Variants in TENM2 observed in about 807,000 individuals in gnomAD.
TENM2 encodes teneurin transmembrane protein 2, also known as teneurin-2.
Under a neutral mutation model 245.2 loss-of-function variants are expected in TENM2, and 52 were observed. The observed-to-expected ratio is 0.21, with a 90% CI of 0.17 to 0.27. TENM2 has a LOEUF of 0.27. Ranked by LOEUF, TENM2 falls within the 10% of genes least tolerant of loss-of-function variation. The pLI is 1.00. For synonymous variants in TENM2, 1,363 were observed against 1,438.9 expected, an observed-to-expected ratio of 0.95 and a Z score of 1.19; for missense variants, 3,046 against 3,666.8, an observed-to-expected ratio of 0.83 and a Z score of 4.37.
At chr5:168,134,852 A>G (rs1454889527) in intron 12 of TENM2, among the ~76,000 whole-genome samples, 1 of 152,214 alleles carries the variant, frequency 6.6e-6, no homozygotes, top group East Asian at 1.9e-4. Flanking sequence ...TCTTACAGAC[A>G]AACATAAACT....
At position 167,441,161 on chromosome 5, in the gene TENM2, T is replaced by A. The variant is rs567155642; in HGVS notation, c.502+65688T>A. Among the ~76,000 whole-genome samples, 9 of 152,322 alleles carry A rather than the reference T, an allele frequency of 5.9e-5. No individual in the cohort carries two copies. In the South Asian group the frequency reaches 1.9e-3, roughly 32 times the overall value. On this transcript the variant is annotated intron_variant, in intron 2 of 28. Transcript: ENST00000518659. ...CATTCATGGAGAGTTAATTGTCCTT[T>A]GGGTTTCCTAGGTATTAATCTAATG...
intron 13 of TENM2, among the ~76,000 whole-genome samples, chr5:168,169,346 C>A (rs1758591459): frequency 6.6e-6 from 1 of 152,194 alleles, no homozygotes; most frequent in South Asian, 2.1e-4. Flanking sequence ...CCCACCCTAC[C>A]TCCATCTGCA....
chr5:168,074,808 T>C (rs1443577501), intron 7 of TENM2, among the ~76,000 whole-genome samples: 1 of 152,230 alleles, frequency 6.6e-6, no homozygotes, highest in Non-Finnish European at 1.5e-5. Context: ...ACGTTTTTAC[T>C]CCTCATGCCT....
At chr5:167,057,253 C>A in the TENM2 span, among the ~76,000 whole-genome samples, 1 of 152,012 alleles carries the variant, frequency 6.6e-6, no homozygotes, top group Non-Finnish European at 1.5e-5. Context: ...TGTACTTTTT[C>A]TGTTAAGATC....
chr5:167,726,667 C>G (rs1760029593), intron 2 of TENM2, among the ~76,000 whole-genome samples: 1 of 152,088 alleles, frequency 6.6e-6, no homozygotes, highest in Non-Finnish European at 1.5e-5. Context: ...TTATGTTAAC[C>G]AGGCTGATAT....
chr5:167,291,175 A>G (rs985287087), intron 1 of TENM2, among the ~76,000 whole-genome samples: 2 of 152,126 alleles, frequency 1.3e-5, no homozygotes, highest in African/African-American at 4.8e-5. Context: ...GCTCTTTCTC[A>G]GTGGAAATTC....
chr5:167,893,943 A>G (rs1347869726), intron 3 of TENM2, among the ~76,000 whole-genome samples: 2 of 152,178 alleles, frequency 1.3e-5, no homozygotes, highest in Non-Finnish European at 2.9e-5. Context: ...TCAGTAATAA[A>G]AATACTGCAG....
the TENM2 span, among the ~76,000 whole-genome samples, chr5:167,046,302 A>C: frequency 6.6e-6 from 1 of 152,156 alleles, no homozygotes. Context: ...ATGTTGGAAA[A>C]AAAAAGCCTG....
intron 2 of TENM2, among the ~76,000 whole-genome samples, chr5:167,544,824 A>G (rs1325125397): frequency 1.3e-5 from 2 of 152,178 alleles, no homozygotes; most frequent in African/African-American, 2.4e-5. Flanking sequence ...GCAAAAATAC[A>G]CTTTCAGGCA....
intron 7 of TENM2, among the ~76,000 whole-genome samples, chr5:168,063,533 T>G (rs946229453): frequency 2.0e-5 from 3 of 152,116 alleles, no homozygotes; most frequent in Admixed American, 6.5e-5. Flanking sequence ...ACCCAAAACA[T>G]GCATATATCC....
chr5:167,336,096 A>G (rs1350154007), intron 1 of TENM2, among the ~76,000 whole-genome samples: 1 of 151,446 alleles, frequency 6.6e-6, no homozygotes, highest in African/African-American at 2.4e-5. Flanking sequence ...CCCTTGTCTC[A>G]TGCTAGAACA....
exon 27 of TENM2, chr5:168,246,903 C>T: frequency 6.2e-7 from 1 of 1,614,010 alleles, no homozygotes; most frequent in Non-Finnish European, 8.5e-7. Flanking sequence ...ATATTTACAA[C>T]CCGCCTGAAA....
the TENM2 span, among the ~76,000 whole-genome samples, chr5:167,162,635 A>C: frequency 8.2e-5 from 12 of 147,054 alleles, no homozygotes; most frequent in South Asian, 6.3e-4. Context: ...TAAAAAAAAA[A>C]AACAACAAAA....
At chr5:167,423,825 G>T (rs1423677408) in intron 2 of TENM2, among the ~76,000 whole-genome samples, 3 of 152,096 alleles carry the variant, frequency 2.0e-5, no homozygotes, top group Admixed American at 1.3e-4. Flanking sequence ...TGAAATTCAT[G>T]GGTAGCTATT....
At chr5:167,889,146 C>G (rs1583288370) in intron 3 of TENM2, among the ~76,000 whole-genome samples, 1 of 152,072 alleles carries the variant, frequency 6.6e-6, no homozygotes, top group South Asian at 2.1e-4. Flanking sequence ...GATAGAGCAC[C>G]TTTTTAACAC....
chr5:167,669,365 T>A (rs1755782100), intron 2 of TENM2, among the ~76,000 whole-genome samples: 1 of 152,172 alleles, frequency 6.6e-6, no homozygotes, highest in Non-Finnish European at 1.5e-5. Flanking sequence ...TGTATATAGT[T>A]TTGTTCAAAA....
intron 15 of TENM2, among the ~76,000 whole-genome samples, chr5:168,197,716 A>G (rs75434103): frequency 6.6e-6 from 1 of 151,932 alleles, no homozygotes; most frequent in Admixed American, 6.6e-5. Flanking sequence ...AAAAAAAAAA[A>G]AAGATGAAAT....
At chr5:167,856,624 G>A (rs1215811370) in intron 2 of TENM2, among the ~76,000 whole-genome samples, 2 of 152,178 alleles carry the variant, frequency 1.3e-5, no homozygotes, top group African/African-American at 4.8e-5. Flanking sequence ...CTGACTTCTG[G>A]TGGGGCAGGG....
At chr5:167,049,879 G>T in the TENM2 span, among the ~76,000 whole-genome samples, 1 of 152,226 alleles carries the variant, frequency 6.6e-6, no homozygotes, top group East Asian at 1.9e-4. Flanking sequence ...AGTCCTTAGG[G>T]ACTAGTCATC....
Sources: gnomAD v4.1 joint callset for allele counts (sites outside exome capture counted in the v4.1 genomes callset) on GRCh38, gnomAD v4.1.1 for gene constraint, MANE v1.5 for transcripts, NCBI Gene and HGNC (gene_info 2026-07-23, HGNC 2026-07-21) for gene names.